Variants in VPS50 observed in about 807,000 individuals in gnomAD.
VPS50 encodes VPS50 subunit of EARP/GARPII complex, also known as syndetin.
A neutral mutation model predicts 139.7 loss-of-function variants in VPS50; 70 were observed. That is an observed-to-expected ratio of 0.50 (90% confidence interval 0.41 to 0.61). The LOEUF is 0.61. Among genes scored for constraint, VPS50 ranks in the 20% least tolerant of loss-of-function variants. The pLI is 0.00. For synonymous variants in VPS50, 365 were observed against 376.7 expected, an observed-to-expected ratio of 0.97 and a Z score of 0.36; for missense variants, 921 against 1,133.7, an observed-to-expected ratio of 0.81 and a Z score of 2.69.
intron 23 of VPS50, among the ~76,000 whole-genome samples, chr7:93,344,666 GA>G (rs1798334786): frequency 6.6e-6 from 1 of 151,758 alleles, no homozygotes; most frequent in African/African-American, 2.4e-5. Flanking sequence ...TAGAACTCAG[GA>G]TTAAGAATCT....
At chr7:93,263,886 A>C (rs551816430) in intron 9 of VPS50, among the ~76,000 whole-genome samples, 14 of 152,346 alleles carry the variant, frequency 9.2e-5, no homozygotes, top group African/African-American at 3.4e-4. Flanking sequence ...CACAAAAATC[A>C]CAATGCAATC....
chr7:93,345,096 A>G (rs188657339), intron 23 of VPS50, among the ~76,000 whole-genome samples: 3,786 of 152,286 alleles, frequency 0.025, 78 homozygotes, highest in Non-Finnish European at 0.038. Flanking sequence ...ACTAATAAAG[A>G]AAAAAAGAGA....
At position 93,355,986 on chromosome 7, in the gene VPS50, T is replaced by C; in HGVS notation, c.2681T>C (p.Ile894Thr). The C allele has an allele frequency of 6.3e-7, 1 of 1,590,076 alleles. No individual in the cohort carries two copies. Among genetic ancestry groups the C allele is most frequent in the Non-Finnish European group, 8.6e-7 (1 of 1,160,296 alleles). ...FLMKLEKLTDIRPIPDKEFVE... is the reference protein window; with the variant it reads ...FLMKLEKLTDTRPIPDKEFVE... Reference sequence around the variant, plus strand: ...ATGAAACTTGAAAAACTAACAGATATTAGACCCATTCCTGATAAAGAATTT... The same window carrying C: ...ATGAAACTTGAAAAACTAACAGATACTAGACCCATTCCTGATAAAGAATTT... Residue 894 changes from isoleucine (I) to threonine (T), a missense_variant, in exon 27 of 28, where the codon ATT (isoleucine) becomes ACT (threonine). By Grantham distance (89) the Ile-to-Thr change is moderately conservative. Around this residue, in one of 3 missense-constraint regions of VPS50, gnomAD observed 158 missense variants for 156.3 expected, o/e 1.01. Coordinates refer to ENST00000305866, the MANE Select transcript of VPS50 (RefSeq NM_017667.4).
At chr7:93,235,226 G>A (rs898751925) in intron 1 of VPS50, among the ~76,000 whole-genome samples, 18 of 152,182 alleles carry the variant, frequency 1.2e-4, no homozygotes, top group African/African-American at 3.9e-4. Flanking sequence ...AGTGGCCTGT[G>A]TGGGTGAAGT....
chr7:93,343,108 G>C (rs1289769183), intron 23 of VPS50, among the ~76,000 whole-genome samples: 8 of 152,264 alleles, frequency 5.3e-5, no homozygotes, highest in East Asian at 3.9e-4. Flanking sequence ...GAATGTATAA[G>C]TAGAATAACC....
Position 93,299,917 on chromosome 7 carries a change from G to A in VPS50, c.1361+2674G>A, listed in dbSNP as rs547604805. On this transcript the variant is annotated intron_variant, in intron 16 of 27. Transcript: ENST00000305866. ...TTAAACAATAATGACATAAAAATTA[G>A]AGAGCAATATATAATTGTCAAAATA... Among the ~76,000 whole-genome samples, 3 of 152,186 alleles carry A rather than the reference G, an allele frequency of 2.0e-5. No individual in the cohort carries two copies. The South Asian group carries it at 6.2e-4, about 32-fold the overall frequency.
intron 2 of VPS50, among the ~76,000 whole-genome samples, chr7:93,249,347 C>T (rs1323843091): frequency 6.6e-6 from 1 of 151,686 alleles, no homozygotes; most frequent in African/African-American, 2.4e-5. Flanking sequence ...TGCATGTTTG[C>T]CCTTTACAGG....
intron 3 of VPS50, among the ~76,000 whole-genome samples, chr7:93,253,167 T>A (rs934533172): frequency 1.3e-5 from 2 of 152,236 alleles, no homozygotes; most frequent in African/African-American, 4.8e-5. Context: ...ACTGACATTT[T>A]AAATTTATAA....
At chr7:93,326,223 C>G (rs1797767867) in intron 21 of VPS50, among the ~76,000 whole-genome samples, 1 of 144,110 alleles carries the variant, frequency 6.9e-6, no homozygotes, top group Non-Finnish European at 1.5e-5. Flanking sequence ...TGCATATTCT[C>G]ACTCATAGGT....
intron 24 of VPS50, among the ~76,000 whole-genome samples, 191 bp downstream of exon 24, chr7:93,348,998 T>C (rs1188002319): frequency 2.6e-5 from 4 of 152,176 alleles, no homozygotes. Flanking sequence ...ATGTAACTTT[T>C]AGACTAGTGA....
intron 23 of VPS50, among the ~76,000 whole-genome samples, chr7:93,346,288 A>G (rs1294252599): frequency 1.3e-5 from 2 of 152,172 alleles, no homozygotes; most frequent in Admixed American, 6.5e-5. Context: ...GACCTCTTCA[A>G]GGAGAACTAC....
At chr7:93,247,638 A>T (rs1795195991) in intron 2 of VPS50, among the ~76,000 whole-genome samples, 1 of 151,844 alleles carries the variant, frequency 6.6e-6, no homozygotes. Context: ...TTACTTATTC[A>T]TCTGACCCCT....
At chr7:93,238,145 G>T (rs1329455334) in intron 1 of VPS50, among the ~76,000 whole-genome samples, 1 of 152,116 alleles carries the variant, frequency 6.6e-6, no homozygotes, top group Admixed American at 6.5e-5. Flanking sequence ...AGTGTAGTTT[G>T]GTAACTCAGC....
At chr7:93,326,440 A>G (rs1268163076) in intron 21 of VPS50, among the ~76,000 whole-genome samples, 2 of 137,156 alleles carry the variant, frequency 1.5e-5, no homozygotes, top group African/African-American at 5.8e-5. Context: ...TAAAACTTAA[A>G]GTATAATAAT....
intron 20 of VPS50, chr7:93,320,309 G>A (rs1449763688): frequency 7.0e-6 from 1 of 142,850 alleles, no homozygotes; most frequent in Non-Finnish European, 1.5e-5. Flanking sequence ...TTTTAAGTTC[G>A]TTTGCCCCCC....
At chr7:93,333,593 G>A (rs1797994811) in intron 21 of VPS50, among the ~76,000 whole-genome samples, 2 of 152,066 alleles carry the variant, frequency 1.3e-5, no homozygotes, top group African/African-American at 4.8e-5. Context: ...TTTTATAAAT[G>A]CTTTGGCTTT....
chr7:93,260,970 A>G (rs1795651897), intron 9 of VPS50, among the ~76,000 whole-genome samples: 1 of 152,200 alleles, frequency 6.6e-6, no homozygotes, highest in Non-Finnish European at 1.5e-5. Context: ...GTTAGGATAT[A>G]AATTGAGTAG....
chr7:93,314,442 G>T (rs1204382518), intron 20 of VPS50, among the ~76,000 whole-genome samples: 1 of 152,144 alleles, frequency 6.6e-6, no homozygotes, highest in African/African-American at 2.4e-5. Context: ...ACAGTTGCTT[G>T]TATTATATAA....
At chr7:93,356,263 G>T in intron 27 of VPS50, 183 bp downstream of exon 27, 1 of 334,124 alleles carries the variant, frequency 3.0e-6, no homozygotes, top group Non-Finnish European at 5.5e-6. Flanking sequence ...TCTAAGCAGT[G>T]CCCTTTGACT....
Sources: allele counts gnomAD v4.1 joint callset (sites outside exome capture counted in the v4.1 genomes callset), GRCh38; gene constraint gnomAD v4.1.1; regional missense constraint gnomAD v4.1.1; transcripts MANE v1.5; gene names NCBI Gene and HGNC (gene_info 2026-07-23, HGNC 2026-07-21).